The following CCDC171 variants were observed in gnomAD, a reference collection of about 807,000 sequenced individuals.
CCDC171 encodes coiled-coil domain containing 171.
Under a neutral mutation model 168.2 loss-of-function variants are expected in CCDC171, and 177 were observed. The ratio of observed to expected loss-of-function variants is 1.05; its 90% CI spans 0.93 to 1.19. The LOEUF is 1.19. Among genes scored for constraint, CCDC171 ranks in the 50% most tolerant of loss-of-function variants. CCDC171 has a pLI of 0.00. For missense variants in CCDC171, 1,991 were observed against 1,539.0 expected, an observed-to-expected ratio of 1.29 and a Z score of -4.91; for synonymous variants, 687 against 540.8, an observed-to-expected ratio of 1.27 and a Z score of -3.75.
chr9:16,083,312 A>G, the CCDC171 span, among the ~76,000 whole-genome samples: 2,591 of 152,296 alleles, frequency 0.017, 76 homozygotes, highest in African/African-American at 0.059. Flanking sequence ...TCAGGGAAGC[A>G]AAGTAGTTTT....
chr9:15,729,088 C>G (rs1330401711), intron 15 of CCDC171, among the ~76,000 whole-genome samples: 1 of 152,020 alleles, frequency 6.6e-6, no homozygotes, highest in African/African-American at 2.4e-5. Flanking sequence ...TGTTTTAACC[C>G]TATGAGATGG....
chr9:15,988,825 C>T (rs6474996), intron 3 of CCDC171, among the ~76,000 whole-genome samples: 126,444 of 152,118 alleles, frequency 0.83, 52,663 homozygotes, highest in East Asian at 0.96. Flanking sequence ...GGAGCCTCAC[C>T]CATTGCTAGC....
intron 7 of CCDC171, among the ~76,000 whole-genome samples, chr9:15,647,135 C>G (rs1424609984): frequency 2.0e-5 from 3 of 152,136 alleles, no homozygotes; most frequent in East Asian, 1.9e-4. Flanking sequence ...GCTGAACAAC[C>G]TGCTCCTGAA....
At chr9:15,556,364 A>T (rs568167455) in intron 1 of CCDC171, among the ~76,000 whole-genome samples, 1 of 152,220 alleles carries the variant, frequency 6.6e-6, no homozygotes, top group Non-Finnish European at 1.5e-5. Flanking sequence ...CAACGGTGTA[A>T]AAGTGTTCCT....
At chr9:16,021,594 A>T (rs905348188) in intron 4 of CCDC171, among the ~76,000 whole-genome samples, 8 of 152,226 alleles carry the variant, frequency 5.3e-5, no homozygotes, top group Admixed American at 2.0e-4. Flanking sequence ...TCTCTCTAAG[A>T]TTCAAGTCTC....
At chr9:15,961,374 A>G (rs1830314035) in intron 25 of CCDC171, among the ~76,000 whole-genome samples, 1 of 152,196 alleles carries the variant, frequency 6.6e-6, no homozygotes, top group Non-Finnish European at 1.5e-5. Flanking sequence ...ACATGTGTAC[A>G]TTTTGACCAC....
chr9:15,603,799 C>G (rs1382586468), intron 6 of CCDC171, among the ~76,000 whole-genome samples: 2 of 152,152 alleles, frequency 1.3e-5, no homozygotes, highest in African/African-American at 2.4e-5. Flanking sequence ...AATGGTATTT[C>G]TGGTTCTAGA....
At chr9:16,027,196 T>C (rs143877662) in intron 6 of CCDC171, among the ~76,000 whole-genome samples, 148 of 152,372 alleles carry the variant, frequency 9.7e-4, no homozygotes, top group African/African-American at 3.4e-3. Flanking sequence ...ATCTTTTCTC[T>C]GGGCTTCCAC....
chr9:15,637,534 A>C (rs1225001455), intron 7 of CCDC171, among the ~76,000 whole-genome samples: 1 of 151,538 alleles, frequency 6.6e-6, no homozygotes, highest in Non-Finnish European at 1.5e-5. Context: ...TTAGTTACAT[A>C]TGTATACATG....
intron 16 of CCDC171, among the ~76,000 whole-genome samples, chr9:15,737,437 G>T (rs1213325404): frequency 6.6e-6 from 1 of 152,124 alleles, no homozygotes. Flanking sequence ...GCCAACCTGG[G>T]CCCTGTTGCC....
At chr9:15,711,763 A>T (rs2052685516) in intron 11 of CCDC171, among the ~76,000 whole-genome samples, 1 of 152,218 alleles carries the variant, frequency 6.6e-6, no homozygotes, top group Admixed American at 6.5e-5. Flanking sequence ...GCACTATTGT[A>T]AAGTTGAGAA....
rs1170844750 is a variant in CCDC171, at chr9:15,744,626, T to C, written c.2403T>C (p.Phe801=). The C allele has an allele frequency of 6.2e-7, 1 of 1,614,162 alleles. No homozygotes were observed. Among genetic ancestry groups the C allele is most frequent in the South Asian group, 1.1e-5 (1 of 91,082 alleles). ...CATTCAAAGGATTGATACGTATATT[T>C]CGGAAAGGTGTTATTGCTGTTTTGG... ...KKTFKGLIRI[F]RKGVIAVLAA... The change falls in exon 17 of 26, where the codon TTT becomes TTC. Residue 801 remains phenylalanine (F), a synonymous_variant. Coordinates refer to ENST00000380701, the MANE Select transcript of CCDC171 (RefSeq NM_173550.4).
intron 25 of CCDC171, among the ~76,000 whole-genome samples, chr9:15,947,241 C>T (rs924109793): frequency 1.3e-5 from 2 of 151,838 alleles, no homozygotes; most frequent in African/African-American, 4.8e-5. Context: ...CATTCATAGA[C>T]GTTAAAAACT....
intron 24 of CCDC171, among the ~76,000 whole-genome samples, chr9:15,899,372 G>A (rs770601018): frequency 1.3e-5 from 2 of 152,122 alleles, no homozygotes; most frequent in Non-Finnish European, 2.9e-5. Context: ...TGATTGCCTA[G>A]CTATATGTAA....
intron 6 of CCDC171, among the ~76,000 whole-genome samples, chr9:15,612,341 A>G (rs905147206): frequency 3.9e-5 from 6 of 152,262 alleles, no homozygotes; most frequent in East Asian, 1.9e-4. Flanking sequence ...CTGTCTTCCA[A>G]ATTTGCTCCT....
chr9:16,023,716 T>A (rs912980933), intron 6 of CCDC171, among the ~76,000 whole-genome samples: 1 of 152,154 alleles, frequency 6.6e-6, no homozygotes, highest in Non-Finnish European at 1.5e-5. Context: ...TTTTTTTGCT[T>A]TTTTTCTCTG....
chr9:16,088,832 A>AT, the CCDC171 span, among the ~76,000 whole-genome samples: 2 of 152,284 alleles, frequency 1.3e-5, no homozygotes, highest in East Asian at 3.9e-4. Context: ...GCTACCATTG[A>AT]TTTTCTCCAC....
At chr9:16,032,442 G>A (rs917693042) in intron 6 of CCDC171, among the ~76,000 whole-genome samples, 4 of 152,090 alleles carry the variant, frequency 2.6e-5, no homozygotes, top group South Asian at 2.1e-4. Flanking sequence ...TGCACGAGAC[G>A]CCAAGAAGAG....
intron 14 of CCDC171, among the ~76,000 whole-genome samples, chr9:15,726,279 G>A (rs1044461223): frequency 6.6e-6 from 1 of 152,164 alleles, no homozygotes; most frequent in Non-Finnish European, 1.5e-5. Flanking sequence ...CAACATGTGT[G>A]AATTGATTTT....
Sources: allele counts gnomAD v4.1 joint callset (sites outside exome capture counted in the v4.1 genomes callset), GRCh38; gene constraint gnomAD v4.1.1; transcripts MANE v1.5; gene names NCBI Gene and HGNC (gene_info 2026-07-23, HGNC 2026-07-21).